NPC1: variants seen among roughly 807,000 people sequenced by gnomAD.
The protein encoded by NPC1 is NPC intracellular cholesterol transporter 1, also known as Niemann-Pick C1 protein.
NPC1 carries 85 observed loss-of-function variants against 140.4 expected under a neutral mutation model. That is an observed-to-expected ratio of 0.61 (90% CI 0.51 to 0.72). The LOEUF (loss-of-function observed/expected upper bound fraction) is 0.72. Ranked by LOEUF, NPC1 falls within the 30% of genes least tolerant of loss-of-function variation. The pLI is 0.00. For synonymous variants in NPC1, 656 were observed against 624.8 expected (o/e 1.05, Z -0.74); for missense variants, 1,504 against 1,623.8 (o/e 0.93, Z 1.27).
intron 9 of NPC1, among the ~76,000 whole-genome samples, chr18:23,553,250 A>C (rs2058900615): frequency 6.6e-6 from 1 of 152,244 alleles, no homozygotes; most frequent in South Asian, 2.1e-4. Context: ...CACAGAGAGT[A>C]AACTATAAAA....
chr18:23,550,479 C>CTTTTTCTTTTTTTTTTTTT (rs2058853975), intron 10 of NPC1, among the ~76,000 whole-genome samples: 1 of 74,922 alleles, frequency 1.3e-5, no homozygotes. Context: ...TCTTACATTT[C>CTTTTTCTTTTTTTTTTTTT]TTTTTTTTTT....
downstream of NPC1, among the ~76,000 whole-genome samples, chr18:23,521,011 C>T (rs1296064875): frequency 6.6e-6 from 1 of 152,208 alleles, no homozygotes; most frequent in Non-Finnish European, 1.5e-5. Context: ...AGCCACCACG[C>T]CTGGCCCAAA....
intron 10 of NPC1, among the ~76,000 whole-genome samples, chr18:23,548,512 C>G (rs1381281995): frequency 2.0e-5 from 3 of 152,168 alleles, no homozygotes; most frequent in Non-Finnish European, 4.4e-5. Context: ...CACACACACA[C>G]AAGCAAACAC....
chr18:23,531,374 ACT>A, downstream of NPC1: 1 of 569,314 alleles, frequency 1.8e-6, no homozygotes, highest in South Asian at 3.2e-5. Flanking sequence ...GTCTAATGAA[ACT>A]TCTAGGTCTA....
intron 24 of NPC1, chr18:23,533,043 C>A: frequency 1.4e-6 from 1 of 696,062 alleles, no homozygotes; most frequent in Non-Finnish European, 1.8e-6. Context: ...TCCTTCATCT[C>A]AGTGGCAGGG....
chr18:23,582,952 T>C (rs2059373837), intron 1 of NPC1, among the ~76,000 whole-genome samples: 1 of 150,698 alleles, frequency 6.6e-6, no homozygotes, highest in Admixed American at 6.6e-5. Flanking sequence ...CTACAAAAAA[T>C]TTAAAAATTA....
Position 23,541,444 on chromosome 18 carries a change from G to A in NPC1, c.2246-11C>T, listed in dbSNP as rs778221184. On this transcript the variant is annotated splice_polypyrimidine_tract_variant and intron_variant, in intron 14 of 24. Transcript: ENST00000269228. ...TCACGGACAATGCTCCTGTCGGGGA[G>A]AGAAGGGCTCTGCGTCACTTCTGTT... 2 of 1,614,200 alleles carry A rather than the reference G, an allele frequency of 1.2e-6. No individual in the cohort carries two copies. The highest frequency in any genetic ancestry group is 2.2e-5 in the East Asian group (1 of 44,888).
chr18:23,523,326 CCT>C (rs573768117), intron 1 of NPC1, among the ~76,000 whole-genome samples: 54 of 152,084 alleles, frequency 3.6e-4, no homozygotes, highest in African/African-American at 1.1e-3. Flanking sequence ...GTTAACGGTC[CCT>C]GTCATGTGAG....
Position 23,538,542 on chromosome 18 carries a change from C to A in NPC1, c.3041G>T (p.Gly1014Val), listed in dbSNP as rs2058665874. ...SDNPNPKCGK[G>V]GHAAYSSAVN... Reference sequence around the variant, plus strand: ...TATCTGCAATGGCAGCAGCACTTACCCTTTGCCACACTTGGGGTTAGGGTT... The same window carrying A: ...TATCTGCAATGGCAGCAGCACTTACACTTTGCCACACTTGGGGTTAGGGTT... The change falls in exon 20 of 25, where the codon GGG (glycine) becomes GTG (valine). Residue 1014 changes from glycine to valine, a missense_variant and splice_region_variant. Coordinates refer to ENST00000269228, the MANE Select transcript of NPC1 (RefSeq NM_000271.5). 3 of 1,614,112 alleles carry A rather than the reference C, an allele frequency of 1.9e-6. No individual in the cohort carries two copies. Among genetic ancestry groups the A allele is most frequent in the Non-Finnish European group, 2.5e-6 (3 of 1,180,008 alleles).
intron 21 of NPC1, among the ~76,000 whole-genome samples, chr18:23,535,987 C>T (rs1216471896): frequency 6.6e-6 from 1 of 151,930 alleles, no homozygotes; most frequent in Non-Finnish European, 1.5e-5. Flanking sequence ...GAGCATTCCA[C>T]AGCATTCTGA....
At chr18:23,552,736 C>G (rs1055204017) in intron 9 of NPC1, among the ~76,000 whole-genome samples, 2 of 152,206 alleles carry the variant, frequency 1.3e-5, no homozygotes, top group African/African-American at 4.8e-5. Flanking sequence ...ATGACCCACC[C>G]GTCAGAGTGG....
intron 3 of NPC1, among the ~76,000 whole-genome samples, chr18:23,511,917 T>C (rs1193710626): frequency 6.6e-6 from 1 of 152,160 alleles, no homozygotes; most frequent in African/African-American, 2.4e-5. Context: ...TAGACATGTG[T>C]ATTTTCACTA....
downstream of NPC1, among the ~76,000 whole-genome samples, chr18:23,530,923 A>C (rs559065969): frequency 6.6e-6 from 1 of 152,144 alleles, no homozygotes; most frequent in South Asian, 2.1e-4. Context: ...AAGACGGCAA[A>C]TGGTGGCTAA....
intron 3 of NPC1, chr18:23,506,846 T>A: frequency 1.4e-6 from 1 of 700,380 alleles, no homozygotes; most frequent in African/African-American, 1.8e-5. Flanking sequence ...TTCCGAAACA[T>A]AATTTTAATT....
intron 1 of NPC1, among the ~76,000 whole-genome samples, chr18:23,579,914 T>G (rs1172318069): frequency 1.3e-5 from 2 of 150,076 alleles, no homozygotes; most frequent in Admixed American, 6.6e-5. Context: ...TTGTGCTATA[T>G]CTCAGCAACT....
At chr18:23,542,256 C>CTT (rs10711695) in intron 14 of NPC1, among the ~76,000 whole-genome samples, 20 of 137,236 alleles carry the variant, frequency 1.5e-4, no homozygotes, top group Non-Finnish European at 2.4e-4. Context: ...AAAGTTTTTT[C>CTT]TTTTTTTTTT....
intron 6 of NPC1, among the ~76,000 whole-genome samples, chr18:23,558,452 A>G (rs1185313786): frequency 6.6e-6 from 1 of 152,220 alleles, no homozygotes; most frequent in African/African-American, 2.4e-5. Context: ...ATCATGAGAA[A>G]ATACCAGATA....
At chr18:23,577,282 A>G (rs560159837) in intron 1 of NPC1, among the ~76,000 whole-genome samples, 51 of 150,376 alleles carry the variant, frequency 3.4e-4, no homozygotes, top group Non-Finnish European at 5.8e-4. Flanking sequence ...TCCTTGAGCT[A>G]GACATAAAGG....
chr18:23,561,877 ACTT>A, intron 4 of NPC1, among the ~76,000 whole-genome samples: 1 of 152,216 alleles, frequency 6.6e-6, no homozygotes. Flanking sequence ...GAGCCTCAGT[ACTT>A]CTTCAGTTAA....
Sources: allele counts gnomAD v4.1 joint callset (sites outside exome capture counted in the v4.1 genomes callset), GRCh38; gene constraint gnomAD v4.1.1; transcripts MANE v1.5; gene names NCBI Gene and HGNC (gene_info 2026-07-23, HGNC 2026-07-21).